Variants in HOOK3 observed in about 807,000 individuals in gnomAD.
The protein encoded by HOOK3 is hook microtubule tethering protein 3.
HOOK3 carries 24 observed loss-of-function variants against 116.3 expected under a neutral mutation model. That is an observed-to-expected ratio of 0.21 (90% CI 0.15 to 0.29). The LOEUF is 0.29. HOOK3 is among the 10% of genes least tolerant of loss of function. The pLI, the probability that HOOK3 is intolerant of heterozygous loss-of-function variation, is 1.00. For synonymous variants in HOOK3, 275 were observed against 283.0 expected (o/e 0.97, Z 0.28); for missense variants, 632 against 830.2 (o/e 0.76, Z 2.93).
intron 5 of HOOK3, among the ~76,000 whole-genome samples, chr8:42,946,739 T>TATC (rs1158626706): frequency 1.3e-5 from 2 of 151,384 alleles, no homozygotes; most frequent in African/African-American, 4.9e-5. Flanking sequence ...ATTCCTATTT[T>TATC]ATCATACCAT....
intron 21 of HOOK3, among the ~76,000 whole-genome samples, chr8:43,015,856 T>C (rs890539236): frequency 2.0e-5 from 3 of 151,952 alleles, no homozygotes; most frequent in Admixed American, 2.0e-4. Context: ...TAACTGGGGT[T>C]ACAGGCGCCC....
rs1308847038 is a variant in HOOK3 at position 43,019,299 on chromosome 8, G to A, written c.*801G>A. ...GTTCTTTTGGAATATCTTAGTAACT[G>A]AGGATCATTTTCTAACAATGTGGTT... On this transcript the variant is annotated 3_prime_UTR_variant, in exon 22 of 22. Transcript: ENST00000307602. The A allele has an allele frequency of 4.6e-6, 1 of 215,128 alleles. No individual in the cohort carries two copies. The highest frequency in any genetic ancestry group is 2.3e-5 in the African/African-American group (1 of 44,408). The allele number at this position is 215,128 out of a possible 1,614,324, so 13.3% of individuals were successfully genotyped here.
intron 3 of HOOK3, among the ~76,000 whole-genome samples, chr8:42,928,705 A>G (rs539086877): frequency 2.0e-5 from 3 of 152,260 alleles, no homozygotes; most frequent in Admixed American, 6.5e-5. Context: ...CTTATTCTCT[A>G]TATTTTATGC....
intron 1 of HOOK3, among the ~76,000 whole-genome samples, chr8:42,903,385 C>T (rs1807235422): frequency 7.4e-6 from 1 of 135,062 alleles, no homozygotes; most frequent in Non-Finnish European, 1.5e-5. Flanking sequence ...CGCTCTGTGG[C>T]CCAGGTTGGA....
At chr8:42,904,921 T>C (rs1807273229) in intron 1 of HOOK3, among the ~76,000 whole-genome samples, 2 of 152,192 alleles carry the variant, frequency 1.3e-5, no homozygotes, top group African/African-American at 4.8e-5. Context: ...GTAAGTTCTA[T>C]GAGAGGATGG....
chr8:42,964,826 C>CAAAAA (rs905614088), intron 9 of HOOK3, among the ~76,000 whole-genome samples: 1 of 120,904 alleles, frequency 8.3e-6, no homozygotes. Flanking sequence ...GACTTTGTCT[C>CAAAAA]AAAAAAAAAA....
chr8:42,984,383 T>A (rs1460267454), intron 14 of HOOK3, among the ~76,000 whole-genome samples: 3 of 149,050 alleles, frequency 2.0e-5, no homozygotes, highest in African/African-American at 5.0e-5. Flanking sequence ...AAAAAAAAAA[T>A]AAGAAGTACA....
At chr8:42,980,194 C>G (rs1225523320) in intron 13 of HOOK3, among the ~76,000 whole-genome samples, 2 of 152,048 alleles carry the variant, frequency 1.3e-5, no homozygotes, top group African/African-American at 4.8e-5. Context: ...CTCAGGTGAT[C>G]CACCTGGCTC....
At chr8:42,907,139 TA>T (rs1807325815) in intron 2 of HOOK3, among the ~76,000 whole-genome samples, 3 of 152,356 alleles carry the variant, frequency 2.0e-5, no homozygotes, top group Non-Finnish European at 4.4e-5. Context: ...CAGATACTTT[TA>T]TATTTTGAAG....
chr8:42,987,381 A>T (rs1809067588), intron 15 of HOOK3, among the ~76,000 whole-genome samples: 1 of 152,122 alleles, frequency 6.6e-6, no homozygotes, highest in Non-Finnish European at 1.5e-5. Flanking sequence ...CTTTCTAATC[A>T]CTAATTAAAA....
chr8:42,903,944 A>G (rs1392577750), intron 1 of HOOK3, among the ~76,000 whole-genome samples: 3 of 152,008 alleles, frequency 2.0e-5, no homozygotes, highest in Non-Finnish European at 4.4e-5. Flanking sequence ...CGACAGAGTG[A>G]GACTCCGTCT....
Position 43,013,047 on chromosome 8 carries a change from G to T in HOOK3, c.1840-4G>T. 1 of 1,569,328 alleles carries T rather than the reference G, an allele frequency of 6.4e-7. No homozygotes were observed. The highest frequency in any genetic ancestry group is 8.6e-7 in the Non-Finnish European group (1 of 1,156,406). On this transcript the variant is annotated splice_polypyrimidine_tract_variant and splice_region_variant and intron_variant, in intron 19 of 21. Coordinates refer to ENST00000307602, the MANE Select transcript of HOOK3 (RefSeq NM_032410.4). ...TTAAATTTTTCTTTTATTATTTTTTGCAGGTCATCCGTACTTTAGATCCTA... is the reference window on the plus strand; with the variant it reads ...TTAAATTTTTCTTTTATTATTTTTTTCAGGTCATCCGTACTTTAGATCCTA...
rs1243042281 is a variant in HOOK3 at position 43,021,615 on chromosome 8, T to A, written c.*3117T>A. 1 of 178,104 alleles carries A rather than the reference T, an allele frequency of 5.6e-6. No individual in the cohort carries two copies. Among genetic ancestry groups the A allele is most frequent in the Non-Finnish European group, 1.2e-5 (1 of 83,462 alleles). The allele number at this position is 178,104 out of a possible 1,614,324, so 11.0% of individuals were successfully genotyped here. On this transcript the variant is annotated 3_prime_UTR_variant, in exon 22 of 22. Coordinates refer to ENST00000307602, the MANE Select transcript of HOOK3 (RefSeq NM_032410.4). ...CGCGCCCAGTCGTACTTCTGACTTT[T>A]CTTCAGCATCTGTTGTATGCTATTA...
At chr8:42,953,474 G>A (rs1254060617) in intron 6 of HOOK3, among the ~76,000 whole-genome samples, 2 of 151,716 alleles carry the variant, frequency 1.3e-5, no homozygotes, top group East Asian at 3.9e-4. Context: ...TGAGGCAGGA[G>A]AATGGCTTCA....
Position 42,918,680 on chromosome 8 carries a change from C to T in HOOK3, c.144-6877C>T, listed in dbSNP as rs184955761. Among the ~76,000 whole-genome samples the T allele has an allele frequency of 8.3e-3, 1,266 of 152,228 alleles. 5 individuals carry two copies. Among genetic ancestry groups the T allele is most frequent in the Non-Finnish European group, 0.013 (908 of 68,010 alleles). Reference sequence around the variant, plus strand: ...TCTGTTTAACAAAGCACATCTTGCACCGCCCTTGATCCATTTAACCCTTAG... The same window carrying T: ...TCTGTTTAACAAAGCACATCTTGCATCGCCCTTGATCCATTTAACCCTTAG... On this transcript the variant is annotated intron_variant, in intron 2 of 21. Coordinates refer to ENST00000307602, the MANE Select transcript of HOOK3 (RefSeq NM_032410.4).
At chr8:43,001,296 C>T (rs1210152913) in intron 16 of HOOK3, among the ~76,000 whole-genome samples, 1 of 152,034 alleles carries the variant, frequency 6.6e-6, no homozygotes, top group Non-Finnish European at 1.5e-5. Context: ...TAATTATTAT[C>T]AAAAGAACTT....
chr8:42,926,748 A>G (rs571216072), intron 3 of HOOK3, among the ~76,000 whole-genome samples: 7 of 152,290 alleles, frequency 4.6e-5, no homozygotes, highest in South Asian at 4.1e-4. Flanking sequence ...ATTTTATTCA[A>G]ATTTCACCAA....
chr8:42,940,350 C>T (rs964217149), intron 4 of HOOK3, among the ~76,000 whole-genome samples: 10 of 152,328 alleles, frequency 6.6e-5, no homozygotes, highest in Middle Eastern at 3.4e-3. Context: ...GGCGTGGCGG[C>T]GCGCGCCCGC....
At chr8:42,950,992 C>T (rs1368155070) in intron 6 of HOOK3, among the ~76,000 whole-genome samples, 1 of 150,160 alleles carries the variant, frequency 6.7e-6, no homozygotes, top group Non-Finnish European at 1.5e-5. Context: ...GCCGACTATT[C>T]CTAATTTTTT....
Sources: gnomAD v4.1 joint callset for allele counts (sites outside exome capture counted in the v4.1 genomes callset) on GRCh38, gnomAD v4.1.1 for gene constraint, MANE v1.5 for transcripts, NCBI Gene and HGNC (gene_info 2026-07-23, HGNC 2026-07-21) for gene names.